The following SRGAP2C variants were observed in gnomAD, a reference collection of about 807,000 sequenced individuals.
SRGAP2C encodes the protein SLIT-ROBO Rho GTPase-activating protein 2C.
In SRGAP2C, 15 loss-of-function variants were observed where a neutral mutation model predicts 25.1. The ratio of observed to expected loss-of-function variants is 0.60; its 90% CI spans 0.40 to 0.92. SRGAP2C has a LOEUF of 0.92. Ranked by LOEUF, SRGAP2C falls within the 40% of genes least tolerant of loss-of-function variation. The pLI, the probability that SRGAP2C is intolerant of heterozygous loss-of-function variation, is 0.00. For missense variants in SRGAP2C, 144 were observed against 264.4 expected (o/e 0.54, Z 3.16); for synonymous variants, 44 against 96.6 (o/e 0.46, Z 3.19).
intron 2 of SRGAP2C, among the ~76,000 whole-genome samples, chr1:121,258,292 C>T (rs1656528096): frequency 6.6e-6 from 1 of 151,572 alleles, no homozygotes; most frequent in African/African-American, 2.4e-5. Context: ...GAGGAGTCTT[C>T]TTTTATTTTG....
chr1:121,295,525 C>T (rs1419980957), intron 3 of SRGAP2C, among the ~76,000 whole-genome samples: 1 of 151,850 alleles, frequency 6.6e-6, no homozygotes, highest in Non-Finnish European at 1.5e-5. Context: ...GCCAGATACC[C>T]ACCCCTGTAC....
At chr1:121,314,379 C>T in intron 3 of SRGAP2C, among the ~76,000 whole-genome samples, 1 of 152,086 alleles carries the variant, frequency 6.6e-6, no homozygotes, top group East Asian at 1.9e-4. Flanking sequence ...GAATTTCCTC[C>T]CGTAGCTCAG....
At chr1:121,257,691 TA>T (rs1269465126) in intron 2 of SRGAP2C, among the ~76,000 whole-genome samples, 1 of 87,734 alleles carries the variant, frequency 1.1e-5, no homozygotes, top group African/African-American at 4.6e-5. Context: ...TGTGTATTGG[TA>T]AAAAAGAAAA....
At chr1:121,337,713 G>A (rs1479721758) in intron 4 of SRGAP2C, among the ~76,000 whole-genome samples, 4 of 143,882 alleles carry the variant, frequency 2.8e-5, no homozygotes, top group African/African-American at 1.0e-4. Flanking sequence ...AGCTCATCAG[G>A]CACCATGCAA....
chr1:121,219,188 C>T (rs1655471608), intron 2 of SRGAP2C, among the ~76,000 whole-genome samples: 1 of 147,200 alleles, frequency 6.8e-6, no homozygotes, highest in South Asian at 2.1e-4. Flanking sequence ...AGCAGCCAAC[C>T]TGGCTGGTGG....
At chr1:121,338,543 GT>G (rs1382692102) in intron 4 of SRGAP2C, among the ~76,000 whole-genome samples, 1 of 134,194 alleles carries the variant, frequency 7.5e-6, no homozygotes, top group East Asian at 2.1e-4. Context: ...AGCCCTTGGG[GT>G]TTTTTGTTTT....
At chr1:121,338,279 C>A (rs1489085948) in intron 4 of SRGAP2C, among the ~76,000 whole-genome samples, 1 of 150,536 alleles carries the variant, frequency 6.6e-6, no homozygotes, top group Non-Finnish European at 1.5e-5. Context: ...GCACCTTTGA[C>A]TTTAGCCTCC....
intron 4 of SRGAP2C, among the ~76,000 whole-genome samples, chr1:121,335,343 AAAATAAATAAATAAAT>A (rs1243682707): frequency 3.5e-4 from 38 of 109,750 alleles, no homozygotes; most frequent in African/African-American, 1.3e-3. Flanking sequence ...TCCATCTCAA[AAAATAAATAAATAAAT>A]AAATAAATAA....
At chr1:121,345,891 T>C (rs1417057342) in intron 4 of SRGAP2C, among the ~76,000 whole-genome samples, 1 of 133,696 alleles carries the variant, frequency 7.5e-6, no homozygotes, top group African/African-American at 2.8e-5. Context: ...CTTCAGGTGA[T>C]CCACCCGCCT....
At position 121,285,400 on chromosome 1, in the gene SRGAP2C, T is replaced by TCACACACACA. The variant is rs1206046698; in HGVS notation, c.260+406_260+407insACACACACAC. ...GTCTATCTTAATCTCTGTCTCTCTC[T>TCACACACACA]CTCTCACACACACACACACACACAC... is the stretch of plus-strand genomic sequence containing the variant. On this transcript the variant is annotated intron_variant, in intron 3 of 9. Coordinates refer to ENST00000367123, the MANE Select transcript of SRGAP2C (RefSeq NM_001329984.2). Among the ~76,000 whole-genome samples the TCACACACACA allele has an allele frequency of 9.7e-3, 622 of 64,408 alleles. 5 individuals are homozygous for TCACACACACA. Among genetic ancestry groups the TCACACACACA allele is most frequent in the Middle Eastern group, 0.02 (3 of 152 alleles). 42.3% of individuals were successfully genotyped at this position (64,408 alleles called of 152,430 possible).
At chr1:121,294,713 T>A (rs1232078040) in intron 3 of SRGAP2C, among the ~76,000 whole-genome samples, 1 of 137,804 alleles carries the variant, frequency 7.3e-6, no homozygotes, top group Non-Finnish European at 1.6e-5. Context: ...GTTGAGTTTT[T>A]AGAGCAATAC....
intron 2 of SRGAP2C, among the ~76,000 whole-genome samples, chr1:121,258,051 G>T: frequency 6.6e-6 from 1 of 151,900 alleles, no homozygotes; most frequent in Non-Finnish European, 1.5e-5. Flanking sequence ...AGTGACTGAT[G>T]TGAGATTACC....
intron 4 of SRGAP2C, among the ~76,000 whole-genome samples, chr1:121,332,018 T>C (rs1375800306): frequency 8.1e-6 from 1 of 123,466 alleles, no homozygotes; most frequent in Non-Finnish European, 1.7e-5. Flanking sequence ...AACATTTTTA[T>C]AATGTTACAT....
intron 3 of SRGAP2C, among the ~76,000 whole-genome samples, chr1:121,292,747 G>A (rs1218724044): frequency 1.3e-5 from 1 of 77,984 alleles, no homozygotes; most frequent in Non-Finnish European, 2.5e-5. Flanking sequence ...CTCTGGAAGT[G>A]GCACACACAG....
chr1:121,208,590 G>T (rs1385102662), intron 2 of SRGAP2C, among the ~76,000 whole-genome samples: 1 of 152,220 alleles, frequency 6.6e-6, no homozygotes, highest in Non-Finnish European at 1.5e-5. Context: ...AAGTATGACT[G>T]TGCCAATACT....
intron 3 of SRGAP2C, among the ~76,000 whole-genome samples, chr1:121,308,435 T>A (rs1446759887): frequency 2.0e-5 from 3 of 151,516 alleles, no homozygotes; most frequent in Admixed American, 6.6e-5. Flanking sequence ...GAAGATTCAC[T>A]GAGTTTGGGA....
chr1:121,213,044 A>AT (rs533839791), intron 2 of SRGAP2C, among the ~76,000 whole-genome samples: 2,341 of 129,114 alleles, frequency 0.018, 27 homozygotes, highest in Middle Eastern at 0.024. Context: ...TAGTTTTCTA[A>AT]TTTTTTTTTT....
rs1276825116 is a variant in SRGAP2C, at chr1:121,335,390, A to AT, written c.423+10750_423+10751insT. The stretch of plus-strand genomic sequence containing the variant: ...AATAAATAAATAAATAAATAAATAA[A>AT]ACAACCAATTCTTTCTTTTGTTCAC... On this transcript the variant is annotated intron_variant, in intron 4 of 9. Coordinates refer to ENST00000367123, the MANE Select transcript of SRGAP2C (RefSeq NM_001329984.2). Among the ~76,000 whole-genome samples, 338 of 142,566 alleles carry AT rather than the reference A, an allele frequency of 2.4e-3. 5 individuals are homozygous for AT. The highest frequency in any genetic ancestry group is 3.9e-3 in the Non-Finnish European group (255 of 66,194). The allele number at this position is 142,566 out of a possible 152,430, so 93.5% of individuals were successfully genotyped here.
intron 4 of SRGAP2C, among the ~76,000 whole-genome samples, chr1:121,334,392 G>A (rs1460694878): frequency 6.9e-6 from 1 of 143,966 alleles, no homozygotes; most frequent in Non-Finnish European, 1.5e-5. Context: ...CATTATTTCT[G>A]ATGAGAAATC....
Sources: allele counts gnomAD v4.1 joint callset (sites outside exome capture counted in the v4.1 genomes callset), GRCh38; gene constraint gnomAD v4.1.1; transcripts MANE v1.5; gene names NCBI Gene and HGNC (gene_info 2026-07-23, HGNC 2026-07-21).